STXBP5L: variants seen among roughly 807,000 people sequenced by gnomAD.
STXBP5L encodes syntaxin binding protein 5L.
Under a neutral mutation model 144.5 loss-of-function variants are expected in STXBP5L, and 65 were observed. That is an observed-to-expected ratio of 0.45 (90% CI 0.37 to 0.55). The LOEUF (loss-of-function observed/expected upper bound fraction) is 0.55. Ranked by LOEUF, STXBP5L falls within the 20% of genes least tolerant of loss-of-function variation. The probability of loss-of-function intolerance (pLI) is 0.00; values close to 1 mark genes in which losing one functional copy is unlikely to be tolerated. For synonymous variants in STXBP5L, 505 were observed against 469.6 expected (o/e 1.08, Z -0.97); for missense variants, 1,298 against 1,405.5 (o/e 0.92, Z 1.22).
chr3:121,330,419 G>A (rs1037514198), intron 20 of STXBP5L, among the ~76,000 whole-genome samples: 1 of 152,320 alleles, frequency 6.6e-6, no homozygotes, highest in East Asian at 1.9e-4. Flanking sequence ...GCACCCACAT[G>A]TGGAGAGCTA....
intron 5 of STXBP5L, among the ~76,000 whole-genome samples, chr3:121,083,495 C>G (rs2042344878): frequency 6.6e-6 from 1 of 152,004 alleles, no homozygotes; most frequent in South Asian, 2.1e-4. Context: ...AACCCCATCT[C>G]TACTAAAAAT....
chr3:121,059,747 G>A (rs565592805), intron 5 of STXBP5L, among the ~76,000 whole-genome samples: 6 of 152,202 alleles, frequency 3.9e-5, no homozygotes, highest in African/African-American at 1.4e-4. Context: ...ATGGTGAATG[G>A]GAATTCACTC....
At chr3:121,319,622 C>T (rs9834891) in intron 20 of STXBP5L, among the ~76,000 whole-genome samples, 38 of 152,150 alleles carry the variant, frequency 2.5e-4, no homozygotes, top group African/African-American at 9.2e-4. Context: ...TATTTATTGC[C>T]TCATACCTAT....
chr3:120,987,407 A>T (rs554058399), intron 3 of STXBP5L, among the ~76,000 whole-genome samples: 22 of 152,064 alleles, frequency 1.4e-4, no homozygotes, highest in African/African-American at 5.3e-4. Context: ...TGCCATCTGT[A>T]TAATATCTTC....
chr3:121,266,604 T>TTAA (rs2050575301), intron 18 of STXBP5L, among the ~76,000 whole-genome samples: 1 of 152,194 alleles, frequency 6.6e-6, no homozygotes, highest in East Asian at 1.9e-4. Context: ...CTGTTCAACA[T>TTAA]TAATATTGGA....
chr3:120,917,266 A>G (rs1219036371), intron 2 of STXBP5L, among the ~76,000 whole-genome samples: 1 of 152,200 alleles, frequency 6.6e-6, no homozygotes, highest in Non-Finnish European at 1.5e-5. Flanking sequence ...TAGGGTAAAC[A>G]TATTTTCAGT....
chr3:121,075,785 C>T lies in STXBP5L; in HGVS notation c.470+30250C>T, dbSNP rs2041994631. On this transcript the variant is annotated intron_variant, in intron 5 of 26. Transcript: ENST00000471454. ...TGCTCCAAACTTTGTAGCCCTTGAG[C>T]CTGGTTAGGGTCCCAGTTTGGGTCA... 1.3e-5 allele frequency among the ~76,000 whole-genome samples: 2 copies of T among 152,162 alleles called. 1 individual carries two copies. The highest frequency in any genetic ancestry group is 4.2e-4 in the South Asian group (2 of 4,816).
At chr3:121,077,799 C>T (rs890701545) in intron 5 of STXBP5L, among the ~76,000 whole-genome samples, 1 of 152,114 alleles carries the variant, frequency 6.6e-6, no homozygotes, top group Non-Finnish European at 1.5e-5. Context: ...TTCTCCAAGT[C>T]CCCATCAGAG....
At chr3:120,945,060 TG>T (rs1377404361) in intron 2 of STXBP5L, among the ~76,000 whole-genome samples, 4 of 151,872 alleles carry the variant, frequency 2.6e-5, no homozygotes, top group Admixed American at 6.6e-5. Flanking sequence ...TGGCAAAATA[TG>T]TTGTGTCCAT....
intron 5 of STXBP5L, among the ~76,000 whole-genome samples, chr3:121,095,137 A>G (rs886579881): frequency 3.9e-5 from 6 of 152,070 alleles, no homozygotes; most frequent in Non-Finnish European, 8.8e-5. Context: ...TGGCTTGTAG[A>G]GTTTCTGCCG....
chr3:121,418,179 T>C (rs2047282776), intron 25 of STXBP5L, among the ~76,000 whole-genome samples, 158 bp from the exon 26 acceptor site: 1 of 152,222 alleles, frequency 6.6e-6, no homozygotes, highest in South Asian at 2.1e-4. Context: ...TCTTAAGTGC[T>C]AACATCTCCA....
At position 121,393,923 on chromosome 3, in the gene STXBP5L, C is replaced by T. The variant is rs183834795; in HGVS notation, c.2587+12391C>T. Among the ~76,000 whole-genome samples, 212 of 152,124 alleles carry T rather than the reference C, an allele frequency of 1.4e-3. 1 individual carries two copies. The highest frequency in any genetic ancestry group is 4.1e-3 in the Admixed American group (62 of 15,282). On this transcript the variant is annotated intron_variant, in intron 22 of 26. Transcript: ENST00000471454. ...TTTGGCTATTCAGACTGTTTTGGTT[C>T]CATATGAATTTTAGAATTATTTTTT...
At chr3:120,951,491 G>C (rs572423780) in intron 2 of STXBP5L, among the ~76,000 whole-genome samples, 15 of 151,740 alleles carry the variant, frequency 9.9e-5, no homozygotes, top group African/African-American at 3.6e-4. Context: ...AAAAGTGGGC[G>C]AAGGACATGA....
intron 20 of STXBP5L, among the ~76,000 whole-genome samples, chr3:121,337,657 A>G (rs930486282): frequency 2.0e-5 from 3 of 152,186 alleles, no homozygotes; most frequent in African/African-American, 7.2e-5. Context: ...TAATCAAGGC[A>G]GAAAGTGAGC....
At chr3:121,025,899 A>T (rs1010468623) in intron 3 of STXBP5L, among the ~76,000 whole-genome samples, 9 of 146,302 alleles carry the variant, frequency 6.2e-5, no homozygotes, top group Admixed American at 1.4e-4. Context: ...TATAATATAT[A>T]AATTATATAA....
At chr3:120,995,111 A>G (rs1395715195) in intron 3 of STXBP5L, among the ~76,000 whole-genome samples, 1 of 152,064 alleles carries the variant, frequency 6.6e-6, no homozygotes, top group Non-Finnish European at 1.5e-5. Context: ...TTAAGTCTGC[A>G]AATTAAAAAA....
At chr3:121,358,389 G>T (rs1473634947) in intron 20 of STXBP5L, among the ~76,000 whole-genome samples, 1 of 152,100 alleles carries the variant, frequency 6.6e-6, no homozygotes, top group Non-Finnish European at 1.5e-5. Context: ...CACATGGCTG[G>T]GGAGGCCTCA....
At chr3:121,352,279 T>A (rs182096000) in intron 20 of STXBP5L, among the ~76,000 whole-genome samples, 1 of 152,192 alleles carries the variant, frequency 6.6e-6, no homozygotes, top group African/African-American at 2.4e-5. Context: ...TTGGGCAGTA[T>A]GGCCATTTTC....
chr3:121,191,893 C>A, intron 9 of STXBP5L, among the ~76,000 whole-genome samples: 1 of 123,248 alleles, frequency 8.1e-6, no homozygotes, highest in South Asian at 2.7e-4. Flanking sequence ...GGGAATTGAA[C>A]AATGAGAACA....
Sources: gnomAD v4.1 joint callset for allele counts (sites outside exome capture counted in the v4.1 genomes callset) on GRCh38, gnomAD v4.1.1 for gene constraint, MANE v1.5 for transcripts, NCBI Gene and HGNC (gene_info 2026-07-23, HGNC 2026-07-21) for gene names.